Variants in TBCD observed in about 807,000 individuals in gnomAD.
The protein encoded by TBCD is tubulin folding cofactor D, also known as tubulin-specific chaperone D.
A neutral mutation model predicts 169.3 loss-of-function variants in TBCD; 105 were observed. The observed-to-expected ratio is 0.62, with a 90% CI of 0.53 to 0.73. TBCD has a LOEUF of 0.73. Among genes scored for constraint, TBCD ranks in the 30% least tolerant of loss-of-function variants. The pLI, the probability that TBCD is intolerant of heterozygous loss-of-function variation, is 0.00. For missense variants in TBCD, 1,444 were observed against 1,600.1 expected (o/e 0.90, Z 1.66); for synonymous variants, 700 against 643.9 (o/e 1.09, Z -1.32).
Position 82,905,634 on chromosome 17 carries a change from C to T in TBCD, c.1805-302C>T, listed in dbSNP as rs1388615755. On this transcript the variant is annotated intron_variant, in intron 19 of 38. Coordinates refer to ENST00000355528, the MANE Select transcript of TBCD (RefSeq NM_005993.5). Reference sequence around the variant, plus strand: ...CAGGTCGTCCGTGTGTGCACGCCGTCGCCTGCCCTCCCGGCCCTGTGTGGG... The same window carrying T: ...CAGGTCGTCCGTGTGTGCACGCCGTTGCCTGCCCTCCCGGCCCTGTGTGGG... Among the ~76,000 whole-genome samples the T allele has an allele frequency of 4.4e-4, 13 of 29,500 alleles. 1 individual carries two copies. The highest frequency in any genetic ancestry group is 2.7e-3 in the African/African-American group (11 of 4,116). 19.4% of individuals were successfully genotyped at this position (29,500 alleles called of 152,430 possible).
chr17:82,937,572 A>C (rs1244416390), intron 35 of TBCD: 1 of 611,880 alleles, frequency 1.6e-6, no homozygotes, highest in African/African-American at 1.8e-5. Context: ...GGAACAGGCG[A>C]GCTCTGCCTC....
intron 7 of TBCD, among the ~76,000 whole-genome samples, chr17:82,784,059 A>G (rs143506218): frequency 0.02 from 3,090 of 152,030 alleles, 122 homozygotes; most frequent in African/African-American, 0.071. Context: ...TGGGAGGCGG[A>G]GGTTGAGTGA....
Position 82,892,864 on chromosome 17 carries a change from G to A in TBCD, c.1564-683G>A, listed in dbSNP as rs117111453. 1.7e-4 allele frequency among the ~76,000 whole-genome samples: 26 copies of A among 152,326 alleles called. No homozygotes were observed. The East Asian group carries it at 3.5e-3, about 20-fold the overall frequency. On this transcript the variant is annotated intron_variant, in intron 16 of 38. Transcript: ENST00000355528. ...CTGAGAGTGGTATCAGTAACACCATGTAGGCTGCGGGGCTGGAGCTGGGGC... is the reference window on the plus strand; with the variant it reads ...CTGAGAGTGGTATCAGTAACACCATATAGGCTGCGGGGCTGGAGCTGGGGC...
chr17:82,927,804 C>A, intron 29 of TBCD, 101 bp from the exon 30 acceptor site: 1 of 997,676 alleles, frequency 1.0e-6, no homozygotes, highest in South Asian at 1.4e-5. Flanking sequence ...TGGGGTTAGT[C>A]ACGGGTGTCG....
At chr17:82,779,079 T>C (rs577665559) in intron 6 of TBCD, among the ~76,000 whole-genome samples, 1 of 150,438 alleles carries the variant, frequency 6.6e-6, no homozygotes, top group Non-Finnish European at 1.5e-5. Context: ...TGGTGAGATC[T>C]CGGCTCACTG....
At chr17:82,798,306 C>G (rs2050258587) in intron 8 of TBCD, among the ~76,000 whole-genome samples, 1 of 152,204 alleles carries the variant, frequency 6.6e-6, no homozygotes, top group East Asian at 1.9e-4. Context: ...GCCACAATGC[C>G]CAGCTAATTT....
chr17:82,938,714 C>T (rs2062840546), intron 36 of TBCD, among the ~76,000 whole-genome samples: 1 of 152,214 alleles, frequency 6.6e-6, no homozygotes, highest in Admixed American at 6.5e-5. Flanking sequence ...CGCAGTGAGA[C>T]ATGATGACCA....
chr17:82,906,184 C>CGA, intron 20 of TBCD, 131 bp downstream of exon 20: 1 of 700,280 alleles, frequency 1.4e-6, no homozygotes, highest in South Asian at 1.7e-5. Context: ...GTGTCACAGT[C>CGA]GATAGGCCCC....
intron 20 of TBCD, among the ~76,000 whole-genome samples, chr17:82,906,982 TC>T (rs753699995): frequency 6.6e-6 from 1 of 152,044 alleles, no homozygotes; most frequent in Non-Finnish European, 1.5e-5. Context: ...CCTGTGTCAT[TC>T]CCCCAGCAGT....
At chr17:82,824,200 G>C (rs1276301169) in intron 13 of TBCD, among the ~76,000 whole-genome samples, 1 of 146,384 alleles carries the variant, frequency 6.8e-6, no homozygotes, top group Non-Finnish European at 1.5e-5. Flanking sequence ...ATTTTTTTTT[G>C]AGACAGAGTC....
chr17:82,796,543 C>T (rs1352553571), intron 7 of TBCD, among the ~76,000 whole-genome samples: 1 of 152,206 alleles, frequency 6.6e-6, no homozygotes, highest in African/African-American at 2.4e-5. Flanking sequence ...GTGGGTGCTG[C>T]CACTGCCCCA....
At chr17:82,926,981 C>A in intron 28 of TBCD, 2 of 691,386 alleles carry the variant, frequency 2.9e-6, no homozygotes, top group Non-Finnish European at 4.7e-6. Flanking sequence ...ACCTTTCAAC[C>A]GGAGAGACGG....
chr17:82,893,609 A>G lies in TBCD; in HGVS notation c.1626A>G (p.Arg542=), dbSNP rs374990865. Residue 542 remains arginine (R), a synonymous_variant, in exon 17 of 39, where the codon AGA becomes AGG. Transcript: ENST00000355528. ...CTGACTATTTTGCCGTCGGTAACAG[A>G]TCCAACTGTTTCCTGGTTATAAGGT... ...TTADYFAVGN[R]SNCFLVISVF... The G allele has an allele frequency of 2.9e-5, 47 of 1,610,420 alleles. No individual in the cohort carries two copies. In the African/African-American group the frequency reaches 6.0e-4, roughly 21 times the overall value.
intron 13 of TBCD, among the ~76,000 whole-genome samples, chr17:82,852,754 T>C (rs1215620490): frequency 1.3e-5 from 2 of 152,216 alleles, no homozygotes; most frequent in Non-Finnish European, 2.9e-5. Flanking sequence ...GAGGCCGCAT[T>C]TTATTTATCC....
Position 82,923,323 on chromosome 17 carries a change from C to A in TBCD, c.2179-329C>A, listed in dbSNP as rs548672107. On this transcript the variant is annotated intron_variant, in intron 25 of 38. Transcript: ENST00000355528. The surrounding 1 kb of genome is among the most constrained non-coding windows in gnomAD (Gnocchi z 4.6). ...TATCTGACAGATGATGGTGAGCAGG[C>A]GTGCTGGAAAGGAGTAGCATGACTT... Among the ~76,000 whole-genome samples the A allele has an allele frequency of 6.6e-6, 1 of 152,192 alleles. No homozygotes were observed. Among genetic ancestry groups the A allele is most frequent in the African/African-American group, 2.4e-5 (1 of 41,454 alleles).
At position 82,768,435 on chromosome 17, in the gene TBCD, T is replaced by G; in HGVS notation, c.451T>G (p.Tyr151Asp). 6.2e-7 allele frequency: 1 copy of G among 1,614,002 alleles called. No homozygotes were observed. Among genetic ancestry groups the G allele is most frequent in the Non-Finnish European group, 8.5e-7 (1 of 1,179,894 alleles). ...PKDHEAWETR[Y>D]MLLLWLSVTC... ...AATTTTTTAGGCTTGGGAAACCCGC[T>G]ACATGCTTTTGCTCTGGCTCTCCGT... The change falls in exon 5 of 39, where the codon TAC becomes GAC. Residue 151 changes from tyrosine to aspartate, a missense_variant. Coordinates refer to ENST00000355528, the MANE Select transcript of TBCD (RefSeq NM_005993.5).
chr17:82,921,381 A>T, intron 24 of TBCD, 120 bp from the exon 25 acceptor site: 1 of 813,350 alleles, frequency 1.2e-6, no homozygotes, highest in South Asian at 1.5e-5. Flanking sequence ...TTTTCCACAG[A>T]TTCCTCTCAA....
chr17:82,803,849 C>T (rs1047523921), intron 9 of TBCD, among the ~76,000 whole-genome samples: 2 of 151,088 alleles, frequency 1.3e-5, no homozygotes. Context: ...GGCTGGGGTG[C>T]ACCGGTCTGT....
chr17:82,807,297 C>T (rs1023934747), intron 10 of TBCD, among the ~76,000 whole-genome samples: 1 of 152,200 alleles, frequency 6.6e-6, no homozygotes. Flanking sequence ...CCGTGAGCTG[C>T]GGGCTCTTCC....
Sources: allele counts gnomAD v4.1 joint callset (sites outside exome capture counted in the v4.1 genomes callset), GRCh38; gene constraint gnomAD v4.1.1; non-coding constraint Gnocchi (gnomAD v3.1); transcripts MANE v1.5; gene names NCBI Gene and HGNC (gene_info 2026-07-23, HGNC 2026-07-21).